The following ADH1A variants were observed in gnomAD, a reference collection of about 807,000 sequenced individuals.
The protein encoded by ADH1A is alcohol dehydrogenase 1A (class I), alpha polypeptide.
A neutral mutation model predicts 35.2 loss-of-function variants in ADH1A; 29 were observed. The observed-to-expected ratio is 0.82, with a 90% confidence interval of 0.61 to 1.12. The LOEUF is 1.12. Ranked by LOEUF, ADH1A falls within the 50% of genes most tolerant of loss-of-function variation. The pLI is 0.00. For synonymous variants in ADH1A, 147 were observed against 164.8 expected, an observed-to-expected ratio of 0.89 and a Z score of 0.83; for missense variants, 469 against 464.7, an observed-to-expected ratio of 1.01 and a Z score of -0.09.
At chr4:99,283,300 G>C (rs965590526) in intron 5 of ADH1A, among the ~76,000 whole-genome samples, 1 of 152,112 alleles carries the variant, frequency 6.6e-6, no homozygotes, top group African/African-American at 2.4e-5. Context: ...CGAGGCAATT[G>C]AACAAGGGAC....
At chr4:99,287,496 GGTT>G in intron 2 of ADH1A, 65 bp downstream of exon 2, 1 of 1,437,662 alleles carries the variant, frequency 7.0e-7, no homozygotes, top group Non-Finnish European at 9.6e-7. Flanking sequence ...ATAAAAATTT[GGTT>G]GTTTCCGTTT....
rs1274426659 is a variant in ADH1A at position 99,279,503 on chromosome 4, T to C, written c.1026A>G (p.Ser342=). Residue 342 remains serine, a synonymous_variant, in exon 8 of 9, where the codon TCA becomes TCG. Coordinates refer to ENST00000209668, the MANE Select transcript of ADH1A (RefSeq NM_000667.4). ...AAACATGGGTTATTAATGCATCCAA[T>C]GAAAACTTCTTAGCCATAAAATCAG... The part of the protein sequence containing the change: ...LVADFMAKKF[S]LDALITHVLP... The C allele has an allele frequency of 2.5e-6, 4 of 1,612,248 alleles. No individual in the cohort carries two copies. Among genetic ancestry groups the C allele is most frequent in the Non-Finnish European group, 3.4e-6 (4 of 1,179,324 alleles).
At position 99,282,415 on chromosome 4, in the gene ADH1A, C is replaced by A. The variant is rs751890590; in HGVS notation, c.759G>T (p.Glu253Asp). Residue 253 changes from glutamate to aspartate, a missense_variant, in exon 6 of 9, where the codon GAG (glutamate) becomes GAT (aspartate). Transcript: ENST00000209668. ...NPQDYKKPIQ[E>D]VLKEMTDGGV... Reference sequence around the variant, plus strand: ...CTCCATCAGTCATTTCCTTTAGCACCTCCTGGATGGGTTTCTTGTAGTCTT... The same window carrying A: ...CTCCATCAGTCATTTCCTTTAGCACATCCTGGATGGGTTTCTTGTAGTCTT... 3 of 1,613,900 alleles carry A rather than the reference C, an allele frequency of 1.9e-6. No homozygotes were observed. The African/African-American group carries it at 4.0e-5, about 22-fold the overall frequency.
rs995433378 is a variant in ADH1A at position 99,276,525 on chromosome 4, T to C, written c.*99A>G. The C allele has an allele frequency of 5.3e-5, 55 of 1,046,652 alleles. No homozygotes were observed. In the African/African-American group the frequency reaches 8.6e-4, roughly 16 times the overall value. The allele number at this position is 1,046,652 out of a possible 1,614,324, so 64.8% of individuals were successfully genotyped here. On this transcript the variant is annotated 3_prime_UTR_variant, in exon 9 of 9. Coordinates refer to ENST00000209668, the MANE Select transcript of ADH1A (RefSeq NM_000667.4). ...CCAAATGTAATTTATTGATAAAATCTGTGATGAGCAGAATTAATGATATTT... is the reference window on the plus strand; with the variant it reads ...CCAAATGTAATTTATTGATAAAATCCGTGATGAGCAGAATTAATGATATTT...
chr4:99,276,873 T>C (rs1253005124), intron 8 of ADH1A, among the ~76,000 whole-genome samples: 2 of 152,188 alleles, frequency 1.3e-5, no homozygotes, highest in Non-Finnish European at 2.9e-5. Flanking sequence ...TGAGTATGCC[T>C]GTCATTTAGA....
chr4:99,281,521 G>T (rs1054870463), intron 6 of ADH1A, among the ~76,000 whole-genome samples: 2 of 152,132 alleles, frequency 1.3e-5, no homozygotes, highest in Non-Finnish European at 2.9e-5. Context: ...TAGGAGATTT[G>T]CTTGAGCCCA....
intron 3 of ADH1A, 28 bp downstream of exon 3, chr4:99,286,822 T>C: frequency 1.5e-5 from 24 of 1,611,438 alleles, no homozygotes; most frequent in Non-Finnish European, 2.0e-5. Flanking sequence ...TGGTGAACCA[T>C]CATGTTTCCT....
chr4:99,284,564 C>T lies in ADH1A; in HGVS notation c.402G>A (p.Arg134=), dbSNP rs1218253920. ...LQDGTSRFTC[R]RKPIHHFLGI... ...CAAGGAAGTGGTGGATGGGCTTCCT[C>T]CTGCAGGTGAACCTGCTGGTGCCAT... Residue 134 remains arginine (R), a synonymous_variant, in exon 5 of 9, where the codon AGG becomes AGA. Coordinates refer to ENST00000209668, the MANE Select transcript of ADH1A (RefSeq NM_000667.4). 3 of 1,614,118 alleles carry T rather than the reference C, an allele frequency of 1.9e-6. No homozygotes were observed. Among genetic ancestry groups the T allele is most frequent in the African/African-American group, 1.3e-5 (1 of 74,946 alleles).
Position 99,282,464 on chromosome 4 carries a change from C to T in ADH1A, c.710G>A (p.Gly237Asp), listed in dbSNP as rs781755133. ...KDKFAKAKEL[G>D]ATECINPQDY... ...TTGAGGGTTGATGCATTCAGTGGCACCCAACTCTTTGGCCTTTGCAAATTT... is the reference window on the plus strand; with the variant it reads ...TTGAGGGTTGATGCATTCAGTGGCATCCAACTCTTTGGCCTTTGCAAATTT... Residue 237 changes from glycine to aspartate, a missense_variant, in exon 6 of 9, where the codon GGT (glycine) becomes GAT (aspartate). Transcript: ENST00000209668. 58 of 1,613,982 alleles carry T rather than the reference C, an allele frequency of 3.6e-5. No homozygotes were observed. The highest frequency in any genetic ancestry group is 4.3e-5 in the Non-Finnish European group (51 of 1,180,038).
At chr4:99,283,473 T>TATTCATTCATTCATTC (rs146495893) in intron 5 of ADH1A, among the ~76,000 whole-genome samples, 9,577 of 151,670 alleles carry the variant, frequency 0.063, 976 homozygotes, top group African/African-American at 0.21. Context: ...TAAGGGTGTC[T>TATTCATTCATTCATTC]ATTCATTCAT....
chr4:99,282,276 A>G, intron 6 of ADH1A, 70 bp downstream of exon 6: 1 of 1,613,508 alleles, frequency 6.2e-7, no homozygotes, highest in Non-Finnish European at 8.5e-7. Context: ...CAGAAAACAT[A>G]TATTCTGCAG....
chr4:99,286,734 G>A, intron 3 of ADH1A, 116 bp downstream of exon 3: 1 of 1,514,312 alleles, frequency 6.6e-7, no homozygotes, highest in Non-Finnish European at 8.9e-7. Flanking sequence ...CTGAAGTCCT[G>A]GCTGCGCGGT....
At chr4:99,289,521 T>C (rs1238616479) in intron 1 of ADH1A, among the ~76,000 whole-genome samples, 1 of 152,220 alleles carries the variant, frequency 6.6e-6, no homozygotes, top group Non-Finnish European at 1.5e-5. Context: ...CTAATAGTTA[T>C]TGACTTATTT....
intron 3 of ADH1A, among the ~76,000 whole-genome samples, chr4:99,286,194 T>A (rs1234441639): frequency 6.6e-6 from 1 of 152,208 alleles, no homozygotes; most frequent in Non-Finnish European, 1.5e-5. Flanking sequence ...TCTCCCTTTA[T>A]AATTAGTAAT....
intron 8 of ADH1A, 44 bp downstream of exon 8, chr4:99,279,382 T>C: frequency 6.4e-7 from 1 of 1,566,988 alleles, no homozygotes; most frequent in Middle Eastern, 1.7e-4. Flanking sequence ...CAATCCCCTA[T>C]GGTAGAAAAA....
intron 5 of ADH1A, among the ~76,000 whole-genome samples, chr4:99,283,550 G>T (rs2110607327): frequency 6.6e-6 from 1 of 152,118 alleles, no homozygotes; most frequent in South Asian, 2.1e-4. Flanking sequence ...AACTTACTTA[G>T]AAAAATACAA....
At chr4:99,283,719 T>G (rs1182778249) in intron 5 of ADH1A, among the ~76,000 whole-genome samples, 1 of 152,206 alleles carries the variant, frequency 6.6e-6, no homozygotes, top group Non-Finnish European at 1.5e-5. Context: ...TTTCATAAAA[T>G]AAAGCATACT....
At position 99,282,598 on chromosome 4, in the gene ADH1A, T is replaced by C; in HGVS notation, c.576A>G (p.Pro192=). The C allele has an allele frequency of 1.2e-6, 2 of 1,611,162 alleles. No individual in the cohort carries two copies. Among genetic ancestry groups the C allele is most frequent in the Non-Finnish European group, 1.7e-6 (2 of 1,178,780 alleles). The change falls in exon 6 of 9, where the codon CCA becomes CCG. Residue 192 remains proline (P), a synonymous_variant. Coordinates refer to ENST00000209668, the MANE Select transcript of ADH1A (RefSeq NM_000667.4). ...GSAVNVAKVT[P]GSTCAVFGLG... ...GGCCAAACACAGCACAGGTAGAGCC[T>C]GGGGTGACCTGTGTTTTCAGAAAAT...
chr4:99,277,365 A>C (rs867400166), intron 8 of ADH1A, among the ~76,000 whole-genome samples: 1 of 152,110 alleles, frequency 6.6e-6, no homozygotes, highest in Non-Finnish European at 1.5e-5. Flanking sequence ...AGGAACATTT[A>C]CACTAGAACT....
Sources: gnomAD v4.1 joint callset for allele counts (sites outside exome capture counted in the v4.1 genomes callset) on GRCh38, gnomAD v4.1.1 for gene constraint, MANE v1.5 for transcripts, NCBI Gene and HGNC (gene_info 2026-07-23, HGNC 2026-07-21) for gene names.